The following HIPK2 variants were observed in gnomAD, a reference collection of about 807,000 sequenced individuals.
HIPK2 encodes the protein homeodomain-interacting protein kinase 2.
A neutral mutation model predicts 113.7 loss-of-function variants in HIPK2; 27 were observed. That is an observed-to-expected ratio of 0.24 (90% CI 0.17 to 0.33). HIPK2 has a LOEUF of 0.33. HIPK2 is among the 10% of genes least tolerant of loss of function. The pLI is 1.00. For synonymous variants in HIPK2, 631 were observed against 642.2 expected (o/e 0.98, Z 0.26); for missense variants, 1,257 against 1,588.0 (o/e 0.79, Z 3.54).
In HIPK2 at chr7:139,700,120, C is replaced by T. The variant is rs1329303966; in HGVS notation, c.1103+15812G>A. The stretch of plus-strand genomic sequence containing the variant: ...CTAGAGGGCAGGACACTTGCCTGTG[C>T]GAGGTGGGGGGAGGGGAGGGCTGAC... On this transcript the variant is annotated intron_variant, in intron 2 of 14. Coordinates refer to ENST00000406875, the MANE Select transcript of HIPK2 (RefSeq NM_022740.5). Among the ~76,000 whole-genome samples, 5 of 152,064 alleles carry T rather than the reference C, an allele frequency of 3.3e-5. No homozygotes were observed. The East Asian group carries it at 5.8e-4, about 18-fold the overall frequency.
At chr7:139,718,423 T>TGG (rs1795311638) in intron 1 of HIPK2, among the ~76,000 whole-genome samples, 1 of 152,202 alleles carries the variant, frequency 6.6e-6, no homozygotes, top group East Asian at 1.9e-4. Flanking sequence ...TCTCAGTAGA[T>TGG]GACCCAACTT....
intron 1 of HIPK2, among the ~76,000 whole-genome samples, chr7:139,722,217 T>C (rs1030318438): frequency 3.3e-5 from 5 of 152,218 alleles, no homozygotes; most frequent in African/African-American, 1.2e-4. Flanking sequence ...CTTCATTGCA[T>C]ATGACAAATG....
At chr7:139,676,067 T>C (rs1802485404) in intron 2 of HIPK2, among the ~76,000 whole-genome samples, 1 of 152,144 alleles carries the variant, frequency 6.6e-6, no homozygotes, top group African/African-American at 2.4e-5. Context: ...CCCCCTAAGG[T>C]AACTGCGCTC....
At chr7:139,685,359 C>T (rs530754072) in intron 2 of HIPK2, among the ~76,000 whole-genome samples, 1 of 152,140 alleles carries the variant, frequency 6.6e-6, no homozygotes, top group Non-Finnish European at 1.5e-5. Context: ...GACAAGGTTT[C>T]GCCATGTTGC....
At chr7:139,575,313 A>T in intron 13 of HIPK2, 25 bp from the exon 14 acceptor site, 1 of 1,545,152 alleles carries the variant, frequency 6.5e-7, no homozygotes, top group Non-Finnish European at 8.8e-7. Context: ...GAAAGAGGTC[A>T]GATCAGTGGC....
chr7:139,706,845 C>A (rs1244514306), intron 2 of HIPK2, among the ~76,000 whole-genome samples: 3 of 152,208 alleles, frequency 2.0e-5, no homozygotes, highest in Admixed American at 2.0e-4. Context: ...CAAAGAGTGA[C>A]GTCCCAGCAC....
intron 1 of HIPK2, among the ~76,000 whole-genome samples, chr7:139,722,328 A>G (rs898891978): frequency 6.6e-5 from 10 of 152,336 alleles, no homozygotes; most frequent in Middle Eastern, 3.4e-3. Context: ...CATAAAGCTG[A>G]CAAAGTCTCT....
intron 1 of HIPK2, among the ~76,000 whole-genome samples, chr7:139,730,364 C>CTT (rs762755336): frequency 3.5e-5 from 5 of 144,542 alleles, no homozygotes; most frequent in Non-Finnish European, 3.1e-5. Context: ...TTTTTTCTCT[C>CTT]TTTTTTTTTT....
intron 2 of HIPK2, among the ~76,000 whole-genome samples, chr7:139,697,248 C>T (rs1391576294): frequency 4.6e-5 from 7 of 152,170 alleles, no homozygotes; most frequent in Admixed American, 2.0e-4. Context: ...AGGGCAACGC[C>T]GAGCTCTGCT....
chr7:139,759,904 T>C (rs940026411), intron 1 of HIPK2, among the ~76,000 whole-genome samples: 2 of 152,292 alleles, frequency 1.3e-5, no homozygotes, highest in African/African-American at 4.8e-5. Flanking sequence ...CTTCTCTATA[T>C]TGTTTAATTA....
chr7:139,711,696 G>T (rs1795073394), intron 2 of HIPK2, among the ~76,000 whole-genome samples: 1 of 151,678 alleles, frequency 6.6e-6, no homozygotes, highest in Admixed American at 6.6e-5. Flanking sequence ...GTAGTTTACT[G>T]GTTCTGCTGA....
At position 139,715,787 on chromosome 7, in the gene HIPK2, C is replaced by T. The variant is rs1459362328; in HGVS notation, c.1103+145G>A. 5 of 1,163,134 alleles carry T rather than the reference C, an allele frequency of 4.3e-6. No individual in the cohort carries two copies. The African/African-American group carries it at 4.7e-5, about 11-fold the overall frequency. The allele number at this position is 1,163,134 out of a possible 1,614,324, so 72.1% of individuals were successfully genotyped here. A position where few individuals can be genotyped will look rare whatever the true frequency, so the allele number is the denominator to read the frequency against. The stretch of plus-strand genomic sequence containing the variant: ...AATTGACATCGCAATGTGCACATGT[C>T]CTAATTTCGTAAGTACATTAAGATC... On this transcript the variant is annotated intron_variant, in intron 2 of 14. Coordinates refer to ENST00000406875, the MANE Select transcript of HIPK2 (RefSeq NM_022740.5).
At chr7:139,697,933 G>T (rs1470196693) in intron 2 of HIPK2, among the ~76,000 whole-genome samples, 1 of 148,222 alleles carries the variant, frequency 6.7e-6, no homozygotes, top group African/African-American at 2.6e-5. Flanking sequence ...GCATTGGCAC[G>T]ATCTTGGCTC....
At position 139,561,819 on chromosome 7, in the gene HIPK2, A is replaced by AT. The variant is rs1268262148; in HGVS notation, c.*11107dup. The AT allele has an allele frequency of 1.3e-5, 2 of 149,896 alleles. No individual in the cohort carries two copies. The highest frequency in any genetic ancestry group is 6.7e-5 in the Admixed American group (1 of 14,904). The allele number at this position is 149,896 out of a possible 1,614,324, so 9.3% of individuals were successfully genotyped here. On this transcript the variant is annotated 3_prime_UTR_variant, in exon 15 of 15. Transcript: ENST00000406875. ...AATTAAAATAACTATATTCTTCTAT[A>AT]TTTTTTCTGTTAAAATCATCTCATA...
At chr7:139,723,073 T>C (rs1795462341) in intron 1 of HIPK2, among the ~76,000 whole-genome samples, 1 of 152,126 alleles carries the variant, frequency 6.6e-6, no homozygotes, top group Non-Finnish European at 1.5e-5. Flanking sequence ...CTCTTTGTCT[T>C]AATGGTTTAA....
At chr7:139,770,185 A>C (rs1426515630) in intron 1 of HIPK2, among the ~76,000 whole-genome samples, 1 of 152,224 alleles carries the variant, frequency 6.6e-6, no homozygotes, top group Non-Finnish European at 1.5e-5. Flanking sequence ...GAGCCCTATA[A>C]ATCTTTCATT....
At position 139,578,224 on chromosome 7, in the gene HIPK2, G is replaced by A. The variant is rs540806340; in HGVS notation, c.2966-2936C>T. 9.9e-5 allele frequency among the ~76,000 whole-genome samples: 15 copies of A among 152,262 alleles called. No homozygotes were observed. The South Asian group carries it at 2.7e-3, about 27-fold the overall frequency. On this transcript the variant is annotated intron_variant, in intron 13 of 14. Coordinates refer to ENST00000406875, the MANE Select transcript of HIPK2 (RefSeq NM_022740.5). The stretch of plus-strand genomic sequence containing the variant: ...GGGGTTTCACCATATTGGCCAGGCT[G>A]GTCTCGAATTCCTGACCTTGTGATC...
At chr7:139,745,469 A>C (rs1238638134) in intron 1 of HIPK2, among the ~76,000 whole-genome samples, 1 of 152,202 alleles carries the variant, frequency 6.6e-6, no homozygotes, top group African/African-American at 2.4e-5. Context: ...AGGAAGCTGA[A>C]GCCGGATTAT....
In HIPK2 at chr7:139,567,238, CTG is replaced by C. The variant is rs935872110; in HGVS notation, c.*5687_*5688del. The C allele has an allele frequency of 7.9e-5, 12 of 152,218 alleles. No homozygotes were observed. The highest frequency in any genetic ancestry group is 9.6e-5 in the African/African-American group (4 of 41,452). The allele number at this position is 152,218 out of a possible 1,614,324, so 9.4% of individuals were successfully genotyped here. On this transcript the variant is annotated 3_prime_UTR_variant, in exon 15 of 15. Coordinates refer to ENST00000406875, the MANE Select transcript of HIPK2 (RefSeq NM_022740.5). Reference sequence around the variant, plus strand: ...CGCGTGCTCTACGCCCTTGATGCAACTGAACTCCTGGCAGCCCTGCTTTGCTC... The same window carrying C: ...CGCGTGCTCTACGCCCTTGATGCAACAACTCCTGGCAGCCCTGCTTTGCTC...
Sources: gnomAD v4.1 joint callset for allele counts (sites outside exome capture counted in the v4.1 genomes callset) on GRCh38, gnomAD v4.1.1 for gene constraint, MANE v1.5 for transcripts, NCBI Gene and HGNC (gene_info 2026-07-23, HGNC 2026-07-21) for gene names.